The following CNTN1 variants were observed in gnomAD, a reference collection of about 807,000 sequenced individuals.
CNTN1 encodes contactin 1.
In CNTN1, 38 loss-of-function variants were observed where a neutral mutation model predicts 126.4. The observed-to-expected ratio is 0.30, with a 90% CI of 0.23 to 0.39. CNTN1 has a LOEUF of 0.39. Ranked by LOEUF, CNTN1 falls within the 10% of genes least tolerant of loss-of-function variation. The probability of loss-of-function intolerance (pLI) is 1.00; values close to 1 mark genes in which losing one functional copy is unlikely to be tolerated. For missense variants in CNTN1, 1,009 were observed against 1,248.4 expected, an observed-to-expected ratio of 0.81 and a Z score of 2.89; for synonymous variants, 413 against 422.6, an observed-to-expected ratio of 0.98 and a Z score of 0.28.
intron 23 of CNTN1, among the ~76,000 whole-genome samples, chr12:41,063,991 C>T (rs1013151593): frequency 1.3e-5 from 2 of 151,932 alleles, no homozygotes; most frequent in African/African-American, 4.8e-5. Flanking sequence ...CTGGCTAGCA[C>T]AGTGAAACCC....
chr12:40,837,367 G>GGC lies in CNTN1; in HGVS notation c.-76-70990_-76-70989insGC, dbSNP rs1457121106. Among the ~76,000 whole-genome samples the GGC allele has an allele frequency of 3.9e-5, 6 of 152,288 alleles. No homozygotes were observed. The East Asian group carries it at 1.2e-3, about 29-fold the overall frequency. On this transcript the variant is annotated intron_variant, in intron 1 of 23. Coordinates refer to ENST00000551295, the MANE Select transcript of CNTN1 (RefSeq NM_001843.4). ...GCCCAGAATCAGCTGGAAGCTGGGA[G>GGC]TGACTTCCCAGCCCAGGGATTAGGT...
At chr12:40,708,341 C>T (rs971012610) in intron 1 of CNTN1, among the ~76,000 whole-genome samples, 2 of 152,174 alleles carry the variant, frequency 1.3e-5, no homozygotes, top group African/African-American at 4.8e-5. Flanking sequence ...TTACACTGTA[C>T]TGTAGTCTAT....
chr12:40,868,062 A>G (rs1479904529), intron 1 of CNTN1, among the ~76,000 whole-genome samples: 4 of 151,896 alleles, frequency 2.6e-5, no homozygotes, highest in African/African-American at 9.7e-5. Context: ...TGAGAAGTTA[A>G]AAGTGTTATT....
Position 40,750,852 on chromosome 12 carries a change from A to AG in CNTN1, c.-77+58261dup, listed in dbSNP as rs1432243871. On this transcript the variant is annotated intron_variant, in intron 1 of 23. Coordinates refer to ENST00000551295, the MANE Select transcript of CNTN1 (RefSeq NM_001843.4). ...TATCTAATCCTTTTGCTCAGTCAGG[A>AG]GATGAAGTCTAGAGATAGATTTGGG... is the stretch of plus-strand genomic sequence containing the variant. Among the ~76,000 whole-genome samples the AG allele has an allele frequency of 6.6e-5, 10 of 152,068 alleles. No homozygotes were observed. In the East Asian group the frequency reaches 1.9e-3, roughly 29 times the overall value.
intron 1 of CNTN1, among the ~76,000 whole-genome samples, chr12:40,771,436 AT>A (rs1193757243): frequency 2.0e-5 from 3 of 151,992 alleles, no homozygotes; most frequent in Non-Finnish European, 2.9e-5. Flanking sequence ...TATTTCTTTT[AT>A]AATGTTGTTC....
chr12:40,967,985 T>A (rs1045329521), intron 15 of CNTN1, among the ~76,000 whole-genome samples: 22 of 151,300 alleles, frequency 1.5e-4, no homozygotes, highest in Non-Finnish European at 2.7e-4. Flanking sequence ...GATTATATCA[T>A]AAAATGATAT....
At chr12:41,012,935 T>C (rs1948696805) in intron 17 of CNTN1, among the ~76,000 whole-genome samples, 1 of 152,076 alleles carries the variant, frequency 6.6e-6, no homozygotes, top group Non-Finnish European at 1.5e-5. Context: ...CCAGGAAAAC[T>C]TAGGACATGG....
chr12:40,920,161 G>C (rs1945385550), intron 4 of CNTN1, among the ~76,000 whole-genome samples: 1 of 152,124 alleles, frequency 6.6e-6, no homozygotes, highest in Admixed American at 6.6e-5. Context: ...CACTTATGCT[G>C]TGACACTCTG....
At chr12:40,742,676 C>A (rs1218092905) in intron 1 of CNTN1, among the ~76,000 whole-genome samples, 1 of 151,868 alleles carries the variant, frequency 6.6e-6, no homozygotes, top group African/African-American at 2.4e-5. Flanking sequence ...TGTCTTCTCT[C>A]ATGTCCTTTG....
intron 1 of CNTN1, among the ~76,000 whole-genome samples, chr12:40,697,793 C>T (rs1409090376): frequency 6.6e-6 from 1 of 152,146 alleles, no homozygotes; most frequent in Non-Finnish European, 1.5e-5. Flanking sequence ...AGGCAGCTCT[C>T]CCATGAAGTG....
At chr12:41,058,082 G>T (rs1447748191) in intron 23 of CNTN1, among the ~76,000 whole-genome samples, 1 of 151,854 alleles carries the variant, frequency 6.6e-6, no homozygotes, top group Non-Finnish European at 1.5e-5. Flanking sequence ...AGAGAGAAGT[G>T]GTCCTGTGAC....
intron 1 of CNTN1, among the ~76,000 whole-genome samples, chr12:40,806,180 T>A (rs950748513): frequency 6.6e-6 from 1 of 152,106 alleles, no homozygotes; most frequent in Admixed American, 6.6e-5. Flanking sequence ...GTGTCTATGC[T>A]TCAAGAGTGC....
chr12:40,772,211 A>G (rs1328646272), intron 1 of CNTN1, among the ~76,000 whole-genome samples: 1 of 152,050 alleles, frequency 6.6e-6, no homozygotes, highest in African/African-American at 2.4e-5. Context: ...AGTTGTTTCT[A>G]AATTGCCTTC....
chr12:40,976,941 A>G (rs530209616), intron 15 of CNTN1, among the ~76,000 whole-genome samples: 9 of 152,184 alleles, frequency 5.9e-5, no homozygotes, highest in Non-Finnish European at 1.2e-4. Flanking sequence ...ATGTTGTCCT[A>G]TAAACCAAAG....
At chr12:40,731,133 T>C (rs1199041787) in intron 1 of CNTN1, among the ~76,000 whole-genome samples, 1 of 152,020 alleles carries the variant, frequency 6.6e-6, no homozygotes, top group Non-Finnish European at 1.5e-5. Context: ...GGAAATGCCA[T>C]TTTTAATTTA....
chr12:40,738,433 G>A (rs1937792914), intron 1 of CNTN1, among the ~76,000 whole-genome samples: 1 of 152,000 alleles, frequency 6.6e-6, no homozygotes, highest in African/African-American at 2.4e-5. Flanking sequence ...AAAATATGTG[G>A]GTGACTTTTG....
intron 15 of CNTN1, among the ~76,000 whole-genome samples, chr12:40,979,515 C>T (rs543604827): frequency 8.0e-4 from 122 of 152,018 alleles, no homozygotes; most frequent in African/African-American, 2.7e-3. Flanking sequence ...AATGATGGTG[C>T]TACTTAATAA....
intron 21 of CNTN1, among the ~76,000 whole-genome samples, chr12:41,026,126 C>T (rs963503370): frequency 6.6e-6 from 1 of 152,138 alleles, no homozygotes; most frequent in Non-Finnish European, 1.5e-5. Flanking sequence ...AGATAAATTA[C>T]CTATTTAAAC....
intron 1 of CNTN1, among the ~76,000 whole-genome samples, chr12:40,785,894 A>G (rs1004709754): frequency 6.6e-6 from 1 of 152,136 alleles, no homozygotes. Context: ...GCTGTCATGT[A>G]TGAGGGATCT....
Sources: allele counts gnomAD v4.1 joint callset (sites outside exome capture counted in the v4.1 genomes callset), GRCh38; gene constraint gnomAD v4.1.1; transcripts MANE v1.5; gene names NCBI Gene and HGNC (gene_info 2026-07-23, HGNC 2026-07-21).